Variants in ARNT2 observed in about 807,000 individuals in gnomAD.
The protein encoded by ARNT2 is aryl hydrocarbon receptor nuclear translocator 2, also known as ARNT protein 2.
In ARNT2, 36 loss-of-function variants were observed where a neutral mutation model predicts 91.7. The ratio of observed to expected loss-of-function variants is 0.39; its 90% CI spans 0.30 to 0.52. ARNT2 has a LOEUF of 0.52. Ranked by LOEUF, ARNT2 falls within the 20% of genes least tolerant of loss-of-function variation. The pLI, the probability that ARNT2 is intolerant of heterozygous loss-of-function variation, is 0.72. For synonymous variants in ARNT2, 365 were observed against 347.1 expected (o/e 1.05, Z -0.57); for missense variants, 775 against 939.3 (o/e 0.83, Z 2.29).
intron 8 of ARNT2, among the ~76,000 whole-genome samples, chr15:80,544,546 T>C (rs1395923324): frequency 6.6e-6 from 1 of 152,232 alleles, no homozygotes; most frequent in Non-Finnish European, 1.5e-5. Flanking sequence ...ATAACTCCAT[T>C]GTGATTTAAA....
chr15:80,501,309 A>G (rs1354892168), intron 5 of ARNT2, among the ~76,000 whole-genome samples: 1 of 152,192 alleles, frequency 6.6e-6, no homozygotes, highest in East Asian at 1.9e-4. Context: ...GAAATTCTTG[A>G]GTTTATGCTA....
intron 1 of ARNT2, among the ~76,000 whole-genome samples, chr15:80,427,413 G>A (rs896633950): frequency 6.6e-6 from 1 of 152,132 alleles, no homozygotes; most frequent in Non-Finnish European, 1.5e-5. Context: ...TCTTGGTATG[G>A]TACCTAATAT....
intron 8 of ARNT2, among the ~76,000 whole-genome samples, chr15:80,534,913 G>A (rs938527433): frequency 6.6e-6 from 1 of 152,124 alleles, no homozygotes; most frequent in Admixed American, 6.5e-5. Flanking sequence ...CTGAACCCAG[G>A]TTCAGCCGTT....
intron 5 of ARNT2, among the ~76,000 whole-genome samples, chr15:80,479,782 T>C (rs115300258): frequency 1.9e-3 from 287 of 152,312 alleles, no homozygotes; most frequent in African/African-American, 6.7e-3. Context: ...CCGGCTCTCT[T>C]GGCTCATTTT....
At chr15:80,470,516 C>T (rs556831792) in intron 4 of ARNT2, 85 bp downstream of exon 4, 2 of 1,442,018 alleles carry the variant, frequency 1.4e-6, no homozygotes, top group South Asian at 2.6e-5. Flanking sequence ...GGAACCAGGG[C>T]TCAAGGTTGA....
intron 5 of ARNT2, among the ~76,000 whole-genome samples, chr15:80,503,369 G>C (rs1218554629): frequency 6.6e-6 from 1 of 152,194 alleles, no homozygotes; most frequent in Non-Finnish European, 1.5e-5. Flanking sequence ...ATGAAGTCAG[G>C]CATGCTTTCA....
In ARNT2 at chr15:80,499,336, C is replaced by T. The variant is rs185860517; in HGVS notation, c.623-8820C>T. Among the ~76,000 whole-genome samples the T allele has an allele frequency of 1.3e-4, 20 of 152,078 alleles. 1 individual carries two copies. Among genetic ancestry groups the T allele is most frequent in the African/African-American group, 3.4e-4 (14 of 41,452 alleles). ...ATAAAATACTGTAACACATGTAAAACGTTTCAGAATACCTAGCCCTTAGTA... is the reference window on the plus strand; with the variant it reads ...ATAAAATACTGTAACACATGTAAAATGTTTCAGAATACCTAGCCCTTAGTA... On this transcript the variant is annotated intron_variant, in intron 5 of 18. Coordinates refer to ENST00000303329, the MANE Select transcript of ARNT2 (RefSeq NM_014862.4).
At chr15:80,502,276 A>G (rs997615825) in intron 5 of ARNT2, among the ~76,000 whole-genome samples, 1 of 152,242 alleles carries the variant, frequency 6.6e-6, no homozygotes, top group African/African-American at 2.4e-5. Context: ...AAGTTCCCAG[A>G]TGTGGCAGTG....
chr15:80,533,577 T>G (rs1897775758), intron 8 of ARNT2, among the ~76,000 whole-genome samples: 1 of 152,194 alleles, frequency 6.6e-6, no homozygotes, highest in African/African-American at 2.4e-5. Context: ...ATTTTCAGCT[T>G]CTAGAAGTGA....
At chr15:80,553,587 A>C (rs1013128843) in intron 10 of ARNT2, among the ~76,000 whole-genome samples, 1 of 152,186 alleles carries the variant, frequency 6.6e-6, no homozygotes, top group African/African-American at 2.4e-5. Flanking sequence ...ATATACATGC[A>C]TATGTATGAA....
intron 5 of ARNT2, among the ~76,000 whole-genome samples, chr15:80,480,830 C>G (rs1440055059): frequency 2.0e-5 from 3 of 152,030 alleles, no homozygotes; most frequent in Non-Finnish European, 4.4e-5. Flanking sequence ...TCCTCCTTCC[C>G]TCTTTCTTTC....
intron 12 of ARNT2, among the ~76,000 whole-genome samples, chr15:80,564,670 TCCCTCCCTCCCA>T (rs1292453115): frequency 9.0e-5 from 7 of 78,132 alleles, no homozygotes; most frequent in African/African-American, 2.7e-4. Flanking sequence ...TTTCACCCCT[TCCCTCCCTCCCA>T]CCCTCCCTCT....
chr15:80,581,076 C>T, intron 16 of ARNT2, 163 bp from the exon 17 acceptor site: 3 of 806,066 alleles, frequency 3.7e-6, no homozygotes, highest in Non-Finnish European at 3.9e-6. Context: ...GGCCCTCACA[C>T]ACCGGGCTGA....
At chr15:80,470,094 C>G in intron 3 of ARNT2, 124 bp from the exon 4 acceptor site, 1 of 973,162 alleles carries the variant, frequency 1.0e-6, no homozygotes, top group Admixed American at 2.3e-5. Flanking sequence ...AAGCACTCAG[C>G]TGTTAGGTGT....
In ARNT2 at chr15:80,527,784, A is replaced by T. The variant is rs115373691; in HGVS notation, c.877+13379A>T. 4.2e-3 allele frequency among the ~76,000 whole-genome samples: 642 copies of T among 152,310 alleles called. 3 individuals are homozygous for T. Among genetic ancestry groups the T allele is most frequent in the African/African-American group, 0.014 (578 of 41,560 alleles). On this transcript the variant is annotated intron_variant, in intron 8 of 18. Transcript: ENST00000303329. ...TAGGCTTTTTGATGCCCTTACCATA[A>T]TTTTCTGCTTTCTCAAAGTGGGAGA...
At chr15:80,528,937 C>T (rs1048288481) in intron 8 of ARNT2, among the ~76,000 whole-genome samples, 1 of 152,182 alleles carries the variant, frequency 6.6e-6, no homozygotes, top group African/African-American at 2.4e-5. Context: ...TTGCCATTTC[C>T]AACAAATTCC....
intron 1 of ARNT2, among the ~76,000 whole-genome samples, chr15:80,416,951 C>T (rs1453458762): frequency 6.6e-6 from 1 of 152,056 alleles, no homozygotes; most frequent in Non-Finnish European, 1.5e-5. Context: ...GTCCTATACA[C>T]CATTTGCGAG....
chr15:80,443,400 T>G (rs1195027454), intron 1 of ARNT2, among the ~76,000 whole-genome samples: 1 of 152,116 alleles, frequency 6.6e-6, no homozygotes, highest in African/African-American at 2.4e-5. Flanking sequence ...TTGTCTGATG[T>G]GGCTTCCGAG....
chr15:80,463,271 G>A (rs541206452), intron 3 of ARNT2, among the ~76,000 whole-genome samples: 37 of 152,292 alleles, frequency 2.4e-4, no homozygotes, highest in Middle Eastern at 3.4e-3. Flanking sequence ...GGATGGGTAC[G>A]TGAGGTCCTT....
Sources: gnomAD v4.1 joint callset for allele counts (sites outside exome capture counted in the v4.1 genomes callset) on GRCh38, gnomAD v4.1.1 for gene constraint, MANE v1.5 for transcripts, NCBI Gene and HGNC (gene_info 2026-07-23, HGNC 2026-07-21) for gene names.